ZNF26: variants seen among roughly 807,000 people sequenced by gnomAD.
ZNF26 encodes zinc finger protein 26.
Under a neutral mutation model 54.9 loss-of-function variants are expected in ZNF26, and 32 were observed. The observed-to-expected ratio is 0.58, with a 90% confidence interval of 0.44 to 0.78. ZNF26 has a LOEUF of 0.78. Ranked by LOEUF, ZNF26 falls within the 30% of genes least tolerant of loss-of-function variation. The pLI is 0.00. For synonymous variants in ZNF26, 221 were observed against 209.2 expected (o/e 1.06, Z -0.49); for missense variants, 524 against 634.0 (o/e 0.83, Z 1.86).
At chr12:133,006,731 A>T in intron 1 of ZNF26, 1 of 239,784 alleles carries the variant, frequency 4.2e-6, no homozygotes, top group Non-Finnish European at 8.3e-6. Flanking sequence ...AGTAGCTAGG[A>T]TTACAAGTGC....
intron 1 of ZNF26, among the ~76,000 whole-genome samples, chr12:132,987,122 A>G (rs1952839169): frequency 6.6e-6 from 1 of 152,160 alleles, no homozygotes; most frequent in South Asian, 2.1e-4. Context: ...CGGGCCCTGA[A>G]GTCTGAGGAT....
Position 133,010,581 on chromosome 12 carries a change from G to A in ZNF26, c.702G>A (p.Glu234=). The change falls in exon 4 of 4, where the codon GAG becomes GAA. Residue 234 remains glutamate (E), a synonymous_variant. Transcript: ENST00000328654. ...GAGAAAAACCCTACTCATGTAGTGA[G>A]TGCGAGAAGGTCTTCTCTTTCAGGT... ...HTGEKPYSCS[E]CEKVFSFRSQ... 1 of 1,614,098 alleles carries A rather than the reference G, an allele frequency of 6.2e-7. No homozygotes were observed.
Position 133,011,103 on chromosome 12 carries a change from C to T in ZNF26, c.1224C>T (p.Ser408=), listed in dbSNP as rs1420897502. Residue 408 remains serine, a synonymous_variant, in exon 4 of 4, where the codon AGC becomes AGT. Transcript: ENST00000328654. ...GCAGTGAATGTGGGAAGGCTTTCAG[C>T]AGCAAGTCATACCTTGTTATACATA... is the stretch of plus-strand genomic sequence containing the variant. ...YGCSECGKAF[S]SKSYLVIHRR... is the part of the protein sequence containing the mutation. 15 of 1,613,876 alleles carry T rather than the reference C, an allele frequency of 9.3e-6. No homozygotes were observed. Among genetic ancestry groups the T allele is most frequent in the Non-Finnish European group, 1.2e-5 (14 of 1,180,002 alleles).
At chr12:132,992,094 G>C (rs1487176364) in intron 1 of ZNF26, among the ~76,000 whole-genome samples, 2 of 151,878 alleles carry the variant, frequency 1.3e-5, no homozygotes, top group Non-Finnish European at 2.9e-5. Context: ...GTTGCAGTGA[G>C]CCAAGATCAT....
At position 133,023,868 on chromosome 12, in the gene ZNF26, A is replaced by C. The variant is rs1446265134; in HGVS notation, c.*12387A>C. 6.6e-6 allele frequency: 1 copy of C among 152,228 alleles called. No homozygotes were observed. The highest frequency in any genetic ancestry group is 2.4e-5 in the African/African-American group (1 of 41,470). 9.4% of individuals were successfully genotyped at this position (152,228 alleles called of 1,614,324 possible). On this transcript the variant is annotated 3_prime_UTR_variant, in exon 4 of 4. Transcript: ENST00000328654. ...CCATGTAAGCAGTCCTTGAAGCTGCAGTACTAGGAGGAAATCTCAAATAAT... is the reference window on the plus strand; with the variant it reads ...CCATGTAAGCAGTCCTTGAAGCTGCCGTACTAGGAGGAAATCTCAAATAAT...
intron 1 of ZNF26, among the ~76,000 whole-genome samples, chr12:132,999,437 A>T (rs1953163692): frequency 1.3e-5 from 2 of 151,524 alleles, no homozygotes; most frequent in South Asian, 4.2e-4. Context: ...TTGTGTTTTT[A>T]GTAGAGGTGG....
intron 1 of ZNF26, chr12:132,995,392 G>A: frequency 7.8e-6 from 1 of 128,812 alleles, no homozygotes; most frequent in East Asian, 2.3e-4. Flanking sequence ...ATGTCTCCTT[G>A]TTTTTTTTTT....
chr12:132,988,214 G>T (rs1290565341), intron 1 of ZNF26, among the ~76,000 whole-genome samples: 1 of 151,266 alleles, frequency 6.6e-6, no homozygotes, highest in Non-Finnish European at 1.5e-5. Flanking sequence ...TAGCCATGTT[G>T]CCCAGGCTGG....
rs1234576370 is a variant in ZNF26, at chr12:133,001,630, C to T, written c.34-5412C>T. On this transcript the variant is annotated intron_variant, in intron 1 of 3. Coordinates refer to ENST00000328654, the MANE Select transcript of ZNF26 (RefSeq NM_019591.4). The surrounding 1 kb of genome is among the most constrained non-coding windows in gnomAD (Gnocchi z 4.7). ...TCTTCCCCTGGGGTCTCCCTCCCTG[C>T]AGGTAGTGCTGCTGAGGAGGAGCCT... 6 of 1,287,552 alleles carry T rather than the reference C, an allele frequency of 4.7e-6. No homozygotes were observed. Among genetic ancestry groups the T allele is most frequent in the Non-Finnish European group, 6.1e-6 (6 of 987,362 alleles). 79.8% of individuals were successfully genotyped at this position (1,287,552 alleles called of 1,614,324 possible).
Position 133,012,575 on chromosome 12 carries a change from T to TG in ZNF26, c.*1097dup, listed in dbSNP as rs1593673983. ...AAAATGTCTTTTGCTTTTTGTTGTT[T>TG]GGGTTTTTTTTTTTTTTTTTTTTTT... On this transcript the variant is annotated 3_prime_UTR_variant, in exon 4 of 4. Transcript: ENST00000328654. 1 of 137,886 alleles carries TG rather than the reference T, an allele frequency of 7.3e-6. No individual in the cohort carries two copies. The highest frequency in any genetic ancestry group is 1.6e-5 in the Non-Finnish European group (1 of 63,946). 8.5% of individuals were successfully genotyped at this position (137,886 alleles called of 1,614,324 possible).
rs1461519254 is a variant in ZNF26 at position 133,017,832 on chromosome 12, A to G, written c.*6351A>G. The G allele has an allele frequency of 6.6e-6, 1 of 152,126 alleles. No individual in the cohort carries two copies. The highest frequency in any genetic ancestry group is 6.6e-5 in the Admixed American group (1 of 15,250). 9.4% of individuals were successfully genotyped at this position (152,126 alleles called of 1,614,324 possible). On this transcript the variant is annotated 3_prime_UTR_variant, in exon 4 of 4. Transcript: ENST00000328654. ...AGACCATCCTCACTAACATGGTGAA[A>G]CCCCATCTCTATTAAAAACACAAAA... is the stretch of plus-strand genomic sequence containing the variant.
rs1953635658 is a variant in ZNF26, at chr12:133,021,179, CACCGTGTCGGCTCA to C, written c.*9699_*9712del. The C allele has an allele frequency of 2.0e-5, 3 of 149,242 alleles. No individual in the cohort carries two copies. Among genetic ancestry groups the C allele is most frequent in the African/African-American group, 7.4e-5 (3 of 40,328 alleles). The allele number at this position is 149,242 out of a possible 1,614,324, so 9.2% of individuals were successfully genotyped here. ...TGTCACCAAGGTTGAAGTGCAGTGGCACCGTGTCGGCTCACTGCAACCTCTGCCTCCCGGGTTCA... is the reference window on the plus strand; with the variant it reads ...TGTCACCAAGGTTGAAGTGCAGTGGCCTGCAACCTCTGCCTCCCGGGTTCA... On this transcript the variant is annotated 3_prime_UTR_variant, in exon 4 of 4. Transcript: ENST00000328654.
In ZNF26 at chr12:133,023,394, G is replaced by C. The variant is rs1953665876; in HGVS notation, c.*11913G>C. 6.6e-6 allele frequency: 1 copy of C among 152,122 alleles called. No homozygotes were observed. The highest frequency in any genetic ancestry group is 1.5e-5 in the Non-Finnish European group (1 of 68,018). 9.4% of individuals were successfully genotyped at this position (152,122 alleles called of 1,614,324 possible). On this transcript the variant is annotated 3_prime_UTR_variant, in exon 4 of 4. Coordinates refer to ENST00000328654, the MANE Select transcript of ZNF26 (RefSeq NM_019591.4). ...GATTATCATTATGTAAGCAGTATTA[G>C]AGAATTTTTAAAATATAGATTACTT...
At chr12:132,994,319 A>G (rs1024930212) in intron 1 of ZNF26, among the ~76,000 whole-genome samples, 185 of 152,262 alleles carry the variant, frequency 1.2e-3, no homozygotes, top group African/African-American at 4.2e-3. Context: ...TTTGCCTTGT[A>G]TCTTCACTTC....
At position 133,012,595 on chromosome 12, in the gene ZNF26, T is replaced by G. The variant is rs1414563549; in HGVS notation, c.*1114T>G. ...TTGTTTGGGTTTTTTTTTTTTTTTT[T>G]TTTTTTTTTTTTTTGAGACTAAGTT... is the stretch of plus-strand genomic sequence containing the variant. On this transcript the variant is annotated 3_prime_UTR_variant, in exon 4 of 4. Transcript: ENST00000328654. 1.5e-5 allele frequency: 2 copies of G among 130,270 alleles called. No homozygotes were observed. The highest frequency in any genetic ancestry group is 5.8e-5 in the African/African-American group (2 of 34,712). The allele number at this position is 130,270 out of a possible 1,614,324, so 8.1% of individuals were successfully genotyped here.
rs77349696 is a variant in ZNF26 at position 133,026,519 on chromosome 12, C to CTTTTTTTTTTT, written c.*15053_*15063dup. 2 of 122,466 alleles carry CTTTTTTTTTTT rather than the reference C, an allele frequency of 1.6e-5. 1 individual carries two copies. The highest frequency in any genetic ancestry group is 7.3e-5 in the African/African-American group (2 of 27,450). 7.6% of individuals were successfully genotyped at this position (122,466 alleles called of 1,614,324 possible). A position where few individuals can be genotyped will look rare whatever the true frequency, so the allele number is the denominator to read the frequency against. ...AAAAGGACAACTTCATATAGTTCAA[C>CTTTTTTTTTTT]TTTTTTTTTTTTTTTTTTTTTTTTT... On this transcript the variant is annotated 3_prime_UTR_variant, in exon 4 of 4. Transcript: ENST00000328654.
chr12:133,010,012 A>G, intron 3 of ZNF26, 124 bp from the exon 4 acceptor site: 4 of 995,054 alleles, frequency 4.0e-6, no homozygotes, highest in Non-Finnish European at 4.2e-6. Flanking sequence ...TTTCTTTTGA[A>G]CCAGTGTGGT....
At position 133,010,116 on chromosome 12, in the gene ZNF26, TTTTG is replaced by T. The variant is rs1225775744; in HGVS notation, c.257-12_257-9del. 6 of 1,572,594 alleles carry T rather than the reference TTTTG, an allele frequency of 3.8e-6. No individual in the cohort carries two copies. Among genetic ancestry groups the T allele is most frequent in the Non-Finnish European group, 5.1e-6 (6 of 1,165,644 alleles). On this transcript the variant is annotated splice_polypyrimidine_tract_variant and intron_variant, in intron 3 of 3. Coordinates refer to ENST00000328654, the MANE Select transcript of ZNF26 (RefSeq NM_019591.4). ...TTATGTTATGATTCAAAAAGTTATA[TTTTG>T]TTTGTTTTTTTGTAGATGGCTGGGA...
intron 1 of ZNF26, among the ~76,000 whole-genome samples, chr12:133,003,872 G>A (rs984358064): frequency 6.6e-6 from 1 of 152,242 alleles, no homozygotes; most frequent in Non-Finnish European, 1.5e-5. Flanking sequence ...TGGCTGTAGT[G>A]AGACCGTCAT....
Sources: allele counts gnomAD v4.1 joint callset (sites outside exome capture counted in the v4.1 genomes callset), GRCh38; gene constraint gnomAD v4.1.1; non-coding constraint Gnocchi (gnomAD v3.1); transcripts MANE v1.5; gene names NCBI Gene and HGNC (gene_info 2026-07-23, HGNC 2026-07-21).